The following GPT2 variants were observed in gnomAD, a reference collection of about 807,000 sequenced individuals.
GPT2 encodes the protein alanine aminotransferase 2.
In GPT2, 30 loss-of-function variants were observed where a neutral mutation model predicts 56.9. The observed-to-expected ratio is 0.53, with a 90% confidence interval of 0.39 to 0.72. The LOEUF is 0.72. Among genes scored for constraint, GPT2 ranks in the 30% least tolerant of loss-of-function variants. The probability of loss-of-function intolerance (pLI) is 0.00; values close to 1 mark genes in which losing one functional copy is unlikely to be tolerated. For synonymous variants in GPT2, 271 were observed against 283.1 expected (o/e 0.96, Z 0.43); for missense variants, 542 against 703.4 (o/e 0.77, Z 2.60).
chr16:46,886,072 ACACT>A (rs1405475718), intron 2 of GPT2, among the ~76,000 whole-genome samples: 1 of 152,048 alleles, frequency 6.6e-6, no homozygotes, highest in Non-Finnish European at 1.5e-5. Flanking sequence ...CCTTGTTGAG[ACACT>A]CAGTTCTGCT....
intron 8 of GPT2, among the ~76,000 whole-genome samples, chr16:46,920,177 C>T (rs1961257509): frequency 6.6e-6 from 1 of 152,194 alleles, no homozygotes; most frequent in African/African-American, 2.4e-5. Flanking sequence ...CATGATGAAT[C>T]TTTAGTTGTT....
chr16:46,898,416 G>A (rs1298775862), intron 3 of GPT2, among the ~76,000 whole-genome samples: 3 of 152,214 alleles, frequency 2.0e-5, no homozygotes, highest in African/African-American at 7.2e-5. Flanking sequence ...CGGGATTGTG[G>A]GATTATGGGA....
chr16:46,917,489 C>T (rs1233723080), intron 7 of GPT2, among the ~76,000 whole-genome samples: 2 of 152,220 alleles, frequency 1.3e-5, no homozygotes, highest in African/African-American at 4.8e-5. Flanking sequence ...CCTGTTGCTT[C>T]TTGAACTCCA....
At chr16:46,897,873 C>T (rs1312746633) in intron 3 of GPT2, 136 bp downstream of exon 3, 3 of 690,004 alleles carry the variant, frequency 4.3e-6, no homozygotes, top group Non-Finnish European at 7.3e-6. Context: ...CCCTTAGCCT[C>T]CTTCCTGCCT....
At chr16:46,900,649 G>C in intron 3 of GPT2, 33 bp from the exon 4 acceptor site, 1 of 1,542,044 alleles carries the variant, frequency 6.5e-7, no homozygotes, top group East Asian at 2.3e-5. Context: ...GAGTGGGGGT[G>C]CTGGGAGCTC....
intron 4 of GPT2, among the ~76,000 whole-genome samples, chr16:46,904,960 G>A (rs1204638397): frequency 6.6e-6 from 1 of 152,122 alleles, no homozygotes; most frequent in Non-Finnish European, 1.5e-5. Context: ...TTGCCAGTTG[G>A]CACCTTAGAG....
intron 9 of GPT2, among the ~76,000 whole-genome samples, chr16:46,923,366 G>A (rs1961336099): frequency 6.6e-6 from 1 of 152,222 alleles, no homozygotes; most frequent in African/African-American, 2.4e-5. Flanking sequence ...GCTGAGGCAG[G>A]AGAATCACTT....
At chr16:46,914,303 G>T (rs1040494557) in intron 6 of GPT2, among the ~76,000 whole-genome samples, 1 of 152,170 alleles carries the variant, frequency 6.6e-6, no homozygotes, top group Non-Finnish European at 1.5e-5. Flanking sequence ...TTGGGAGGCC[G>T]AGGCGGGTGG....
At chr16:46,916,493 G>T in intron 6 of GPT2, 135 bp from the exon 7 acceptor site, 1 of 710,984 alleles carries the variant, frequency 1.4e-6, no homozygotes, top group Non-Finnish European at 2.6e-6. Context: ...CTGGGGAGGG[G>T]GGCCTCTGCG....
chr16:46,889,419 G>T (rs779249854), intron 2 of GPT2, among the ~76,000 whole-genome samples: 2 of 151,784 alleles, frequency 1.3e-5, no homozygotes. Flanking sequence ...CACCATGCTG[G>T]CTAATTTCCT....
At chr16:46,901,104 C>T (rs900108476) in intron 4 of GPT2, among the ~76,000 whole-genome samples, 5 of 152,242 alleles carry the variant, frequency 3.3e-5, no homozygotes, top group Non-Finnish European at 7.3e-5. Flanking sequence ...TTTCACCCAG[C>T]AGCTGGAGGC....
At position 46,897,738 on chromosome 16, in the gene GPT2, G is replaced by C; in HGVS notation, c.333+1G>C. On this transcript the variant is annotated splice_donor_variant, in intron 3 of 11. Transcript: ENST00000340124. LOFTEE classifies it high-confidence loss of function. Reference sequence around the variant, plus strand: ...GCAGCCAATCACCTTCCTCCGGCAGGTGAGCCGCCCCCAGGAGCAGAGGCT... The same window carrying C: ...GCAGCCAATCACCTTCCTCCGGCAGCTGAGCCGCCCCCAGGAGCAGAGGCT... The C allele has an allele frequency of 1.2e-6, 2 of 1,613,980 alleles. No homozygotes were observed. Among genetic ancestry groups the C allele is most frequent in the Non-Finnish European group, 1.7e-6 (2 of 1,179,878 alleles).
intron 10 of GPT2, 28 bp downstream of exon 10, chr16:46,924,572 C>G (rs1567344008): frequency 1.9e-6 from 3 of 1,610,430 alleles, no homozygotes; most frequent in Non-Finnish European, 2.5e-6. Context: ...GGCTGGCTCT[C>G]TCTTACCAGG....
At position 46,915,410 on chromosome 16, in the gene GPT2, GACAC is replaced by G. The variant is rs373848169; in HGVS notation, c.821-1213_821-1210del. The G allele has an allele frequency of 1.4e-3, 210 of 146,734 alleles. 2 individuals carry two copies. The highest frequency in any genetic ancestry group is 2.1e-3 in the Non-Finnish European group (140 of 66,558). The allele number at this position is 146,734 out of a possible 1,614,324, so 9.1% of individuals were successfully genotyped here. A position where few individuals can be genotyped will look rare whatever the true frequency, so the allele number is the denominator to read the frequency against. On this transcript the variant is annotated intron_variant, in intron 6 of 11. Transcript: ENST00000340124. ...ACCACACCTACACAAATACCACATA[GACAC>G]ACACCCCACCACACCTACACACACA...
intron 2 of GPT2, among the ~76,000 whole-genome samples, chr16:46,889,647 G>T (rs930493286): frequency 6.6e-6 from 1 of 152,184 alleles, no homozygotes; most frequent in African/African-American, 2.4e-5. Flanking sequence ...CACATACGCT[G>T]GGCTCTGCCT....
In GPT2 at chr16:46,926,991, G is replaced by A. The variant is rs1372862248; in HGVS notation, c.1435G>A (p.Val479Met). 5.6e-6 allele frequency: 9 copies of A among 1,609,060 alleles called. No individual in the cohort carries two copies. The East Asian group carries it at 6.7e-5, about 12-fold the overall frequency. The change falls in exon 11 of 12, where the codon GTG (valine) becomes ATG (methionine). Residue 479 changes from valine (V) to methionine (M), a missense_variant. Physicochemically the swap from Val to Met is conservative, Grantham distance 21. Coordinates refer to ENST00000340124, the MANE Select transcript of GPT2 (RefSeq NM_133443.4). ...CCTGGAGGAGACTGGCATCTGTGTC[G>A]TGCCCGGCAGTGGCTTTGGGCAGAG... The part of the protein sequence containing the change: ...KLLEETGICV[V>M]PGSGFGQREG...
intron 6 of GPT2, chr16:46,915,990 G>C (rs1961150873): frequency 1.3e-5 from 2 of 148,334 alleles, no homozygotes; most frequent in African/African-American, 5.0e-5. Flanking sequence ...GTGAGTGTAT[G>C]CGTGCACACA....
intron 6 of GPT2, 55 bp from the exon 7 acceptor site, chr16:46,916,573 G>A (rs1961170533): frequency 1.5e-6 from 2 of 1,347,600 alleles, no homozygotes. Flanking sequence ...TCTGACCTGG[G>A]GACAATTTAA....
At chr16:46,919,146 CTG>C (rs1961230704) in intron 8 of GPT2, among the ~76,000 whole-genome samples, 1 of 152,204 alleles carries the variant, frequency 6.6e-6, no homozygotes, top group Non-Finnish European at 1.5e-5. Flanking sequence ...GCCTTAGGCA[CTG>C]TGTGACCTCA....
Sources: allele counts gnomAD v4.1 joint callset (sites outside exome capture counted in the v4.1 genomes callset), GRCh38; gene constraint gnomAD v4.1.1; transcripts MANE v1.5; gene names NCBI Gene and HGNC (gene_info 2026-07-23, HGNC 2026-07-21).